Variants in STK3 observed in about 807,000 individuals in gnomAD.
STK3 encodes the protein serine/threonine-protein kinase 3.
A neutral mutation model predicts 58.0 loss-of-function variants in STK3; 41 were observed. That is an observed-to-expected ratio of 0.71 (90% CI 0.55 to 0.92). The LOEUF is 0.92. Among genes scored for constraint, STK3 ranks in the 40% least tolerant of loss-of-function variants. The pLI is 0.00. For missense variants in STK3, 479 were observed against 602.7 expected, an observed-to-expected ratio of 0.79 and a Z score of 2.15; for synonymous variants, 170 against 191.0, an observed-to-expected ratio of 0.89 and a Z score of 0.91.
At chr8:98,650,243 C>A (rs1323408841) in intron 6 of STK3, among the ~76,000 whole-genome samples, 4 of 152,164 alleles carry the variant, frequency 2.6e-5, no homozygotes, top group Non-Finnish European at 5.9e-5. Context: ...CATGCTAGAA[C>A]AAAACTAAAT....
chr8:98,555,199 G>A (rs1811501704), intron 8 of STK3, among the ~76,000 whole-genome samples: 1 of 152,068 alleles, frequency 6.6e-6, no homozygotes, highest in South Asian at 2.1e-4. Context: ...AAAACAGCCT[G>A]AGAAATAATC....
At chr8:98,535,973 G>A (rs751095500) in intron 9 of STK3, among the ~76,000 whole-genome samples, 1 of 152,142 alleles carries the variant, frequency 6.6e-6, no homozygotes, top group African/African-American at 2.4e-5. Flanking sequence ...AGTTTGATTA[G>A]AGAGAAGTGG....
At chr8:98,861,980 A>G (rs746000251) in intron 3 of STK3, among the ~76,000 whole-genome samples, 5 of 152,232 alleles carry the variant, frequency 3.3e-5, no homozygotes, top group Non-Finnish European at 5.9e-5. Context: ...AATTTAAATG[A>G]AAGTGCCTGC....
At chr8:98,786,318 A>G (rs2131554414) in intron 1 of STK3, among the ~76,000 whole-genome samples, 1 of 152,318 alleles carries the variant, frequency 6.6e-6, no homozygotes, top group South Asian at 2.1e-4. Context: ...AGGCTGACGT[A>G]GGAAGACCAT....
intron 10 of STK3, among the ~76,000 whole-genome samples, chr8:98,521,272 CTT>C (rs1352791902): frequency 6.6e-6 from 1 of 152,052 alleles, no homozygotes; most frequent in Non-Finnish European, 1.5e-5. Context: ...CATATGATCT[CTT>C]GATATCCCTT....
chr8:98,345,998 G>A, the STK3 span, among the ~76,000 whole-genome samples: 1 of 152,044 alleles, frequency 6.6e-6, no homozygotes, highest in Non-Finnish European at 1.5e-5. Context: ...AGTTAACAGA[G>A]CTGTCCGGGC....
intron 8 of STK3, among the ~76,000 whole-genome samples, chr8:98,572,732 A>G (rs962792393): frequency 7.9e-5 from 12 of 152,182 alleles, no homozygotes; most frequent in African/African-American, 2.9e-4. Flanking sequence ...TATATTTTCT[A>G]TGCAGGGCAA....
At chr8:98,466,794 G>GAGTT (rs1230133763) in intron 10 of STK3, among the ~76,000 whole-genome samples, 1 of 152,122 alleles carries the variant, frequency 6.6e-6, no homozygotes, top group African/African-American at 2.4e-5. Flanking sequence ...CATCTTTTCT[G>GAGTT]AGTTAGATAT....
At chr8:98,468,969 C>T (rs1333643286) in intron 10 of STK3, among the ~76,000 whole-genome samples, 6 of 151,986 alleles carry the variant, frequency 3.9e-5, no homozygotes, top group Admixed American at 6.6e-5. Flanking sequence ...ATTAGCTGGG[C>T]GAGGTGGCGG....
chr8:98,731,194 C>T (rs1383821144), intron 4 of STK3, among the ~76,000 whole-genome samples: 1 of 152,038 alleles, frequency 6.6e-6, no homozygotes, highest in Non-Finnish European at 1.5e-5. Context: ...CAAGAGCAGA[C>T]AAAGAAGTGA....
Position 98,821,641 on chromosome 8 carries a change from G to A in STK3, c.26+3874C>T, listed in dbSNP as rs564011880. Among the ~76,000 whole-genome samples the A allele has an allele frequency of 6.2e-5, 9 of 145,878 alleles. No individual in the cohort carries two copies. In the South Asian group the frequency reaches 2.0e-3, roughly 32 times the overall value. ...TGTGCCACTGCACTCCAGCCAGGGCGATAGAGTAAGACCCAATCTCAAAAA... is the reference window on the plus strand; with the variant it reads ...TGTGCCACTGCACTCCAGCCAGGGCAATAGAGTAAGACCCAATCTCAAAAA... On this transcript the variant is annotated intron_variant, in intron 1 of 10. Coordinates refer to ENST00000419617, the MANE Select transcript of STK3 (RefSeq NM_006281.4).
At chr8:98,887,888 G>A (rs929565387) in intron 1 of STK3, among the ~76,000 whole-genome samples, 2 of 152,186 alleles carry the variant, frequency 1.3e-5, no homozygotes, top group African/African-American at 2.4e-5. Flanking sequence ...CGAGGCATTC[G>A]CTGGCCTTTC....
At chr8:98,771,180 G>A (rs1831295924) in intron 2 of STK3, among the ~76,000 whole-genome samples, 1 of 152,108 alleles carries the variant, frequency 6.6e-6, no homozygotes, top group African/African-American at 2.4e-5. Flanking sequence ...TCATATAAAT[G>A]AAATCATACA....
intron 1 of STK3, among the ~76,000 whole-genome samples, chr8:98,884,141 T>C (rs1837896097): frequency 6.6e-6 from 1 of 152,276 alleles, no homozygotes; most frequent in Non-Finnish European, 1.5e-5. Context: ...TAACTTCTAG[T>C]TTTCAGTAAT....
At chr8:98,532,881 G>C (rs2131514969) in intron 9 of STK3, among the ~76,000 whole-genome samples, 1 of 152,022 alleles carries the variant, frequency 6.6e-6, no homozygotes. Flanking sequence ...TTTACTTCCT[G>C]TTTTTATGAA....
At chr8:98,886,842 A>G (rs2922084) in intron 1 of STK3, among the ~76,000 whole-genome samples, 41,716 of 152,012 alleles carry the variant, frequency 0.27, 6,309 homozygotes, top group East Asian at 0.44. Flanking sequence ...TCATGTCTGT[A>G]ATTCCAGCAC....
chr8:98,385,774 G>A (rs1817784764), intron 1 of STK3, among the ~76,000 whole-genome samples: 1 of 152,138 alleles, frequency 6.6e-6, no homozygotes, highest in Non-Finnish European at 1.5e-5. Flanking sequence ...TTTAGGAATT[G>A]TAGAAAAATC....
At chr8:98,778,066 A>C (rs1831823378) in intron 1 of STK3, among the ~76,000 whole-genome samples, 1 of 152,226 alleles carries the variant, frequency 6.6e-6, no homozygotes, top group Admixed American at 6.5e-5. Context: ...GCACAGCAAA[A>C]GAAACTACCA....
chr8:98,708,572 GGAAA>G (rs1242104872), intron 4 of STK3, among the ~76,000 whole-genome samples: 1 of 152,124 alleles, frequency 6.6e-6, no homozygotes, highest in Non-Finnish European at 1.5e-5. Context: ...GAGACGGATG[GGAAA>G]GAAAGAAAAT....
Sources: allele counts gnomAD v4.1 joint callset (sites outside exome capture counted in the v4.1 genomes callset), GRCh38; gene constraint gnomAD v4.1.1; transcripts MANE v1.5; gene names NCBI Gene and HGNC (gene_info 2026-07-23, HGNC 2026-07-21).